Variants in EPHB1 observed in about 807,000 individuals in gnomAD.
The protein encoded by EPHB1 is ephrin type-B receptor 1.
In EPHB1, 30 loss-of-function variants were observed where a neutral mutation model predicts 94.4. The ratio of observed to expected loss-of-function variants is 0.32; its 90% CI spans 0.24 to 0.43. EPHB1 has a LOEUF of 0.43. Ranked by LOEUF, EPHB1 falls within the 20% of genes least tolerant of loss-of-function variation. EPHB1 has a pLI of 1.00. For missense variants in EPHB1, 1,055 were observed against 1,308.3 expected, an observed-to-expected ratio of 0.81 and a Z score of 2.99; for synonymous variants, 522 against 489.1, an observed-to-expected ratio of 1.07 and a Z score of -0.89.
chr3:135,246,024 T>A (rs59754330), intron 13 of EPHB1, among the ~76,000 whole-genome samples: 8,277 of 152,226 alleles, frequency 0.054, 274 homozygotes, highest in African/African-American at 0.059. Context: ...CTGACTCCAG[T>A]GCTCCTTCTT....
chr3:135,152,566 G>A (rs931517012), intron 5 of EPHB1, among the ~76,000 whole-genome samples: 1 of 152,180 alleles, frequency 6.6e-6, no homozygotes, highest in East Asian at 1.9e-4. Flanking sequence ...CATAAGAAAG[G>A]TCTGATCTCT....
At chr3:134,852,039 A>G (rs758293492) in intron 1 of EPHB1, among the ~76,000 whole-genome samples, 39 of 152,162 alleles carry the variant, frequency 2.6e-4, no homozygotes, top group Non-Finnish European at 4.6e-4. Flanking sequence ...CAAGGGTTTA[A>G]GTTCAGATTA....
intron 5 of EPHB1, among the ~76,000 whole-genome samples, chr3:135,151,962 G>T (rs944261083): frequency 5.9e-5 from 9 of 152,086 alleles, no homozygotes; most frequent in Non-Finnish European, 1.5e-5. Flanking sequence ...AAAGGCTATC[G>T]GTCATATTAA....
At chr3:135,128,679 C>T (rs1174528758) in intron 4 of EPHB1, among the ~76,000 whole-genome samples, 1 of 152,142 alleles carries the variant, frequency 6.6e-6, no homozygotes, top group East Asian at 1.9e-4. Flanking sequence ...TCTCTGTTTC[C>T]TTCTATTCTA....
intron 5 of EPHB1, among the ~76,000 whole-genome samples, chr3:135,148,545 G>A (rs906740106): frequency 1.3e-5 from 2 of 151,494 alleles, no homozygotes; most frequent in Non-Finnish European, 2.9e-5. Context: ...GATACTACTG[G>A]CAGTGACCAG....
At position 135,122,906 on chromosome 3, in the gene EPHB1, A is replaced by T. The variant is rs189087845; in HGVS notation, c.962-9808A>T. 4.6e-5 allele frequency among the ~76,000 whole-genome samples: 7 copies of T among 152,324 alleles called. No homozygotes were observed. In the East Asian group the frequency reaches 1.2e-3, roughly 25 times the overall value. On this transcript the variant is annotated intron_variant, in intron 4 of 15. Coordinates refer to ENST00000398015, the MANE Select transcript of EPHB1 (RefSeq NM_004441.5). ...ATGATTAGGAGAATTGCCTGAGTAC[A>T]GGCCCAGTGTTTCCAAGACCCTAAT... is the stretch of plus-strand genomic sequence containing the variant.
intron 3 of EPHB1, among the ~76,000 whole-genome samples, chr3:134,991,672 C>G (rs1199113050): frequency 3.3e-5 from 5 of 152,118 alleles, no homozygotes; most frequent in African/African-American, 1.2e-4. Flanking sequence ...GCTGAGCACC[C>G]CTACTGAGGG....
chr3:135,176,045 T>C (rs992297614), intron 9 of EPHB1, among the ~76,000 whole-genome samples: 2 of 152,112 alleles, frequency 1.3e-5, no homozygotes, highest in Admixed American at 1.3e-4. Flanking sequence ...AAGGCTTTTT[T>C]TTCCCCTCAT....
intron 1 of EPHB1, among the ~76,000 whole-genome samples, chr3:134,850,750 T>C (rs2036963724): frequency 6.6e-6 from 1 of 152,212 alleles, no homozygotes; most frequent in Admixed American, 6.5e-5. Flanking sequence ...ATGCTGGCTG[T>C]GATTCTTCAT....
chr3:135,044,083 A>G (rs561032631), intron 3 of EPHB1, among the ~76,000 whole-genome samples: 2 of 152,296 alleles, frequency 1.3e-5, no homozygotes, highest in South Asian at 4.1e-4. Flanking sequence ...TTAAAACTAA[A>G]TTTGGCTCAC....
chr3:135,051,937 C>T (rs184231369), intron 3 of EPHB1, among the ~76,000 whole-genome samples: 51 of 152,124 alleles, frequency 3.4e-4, no homozygotes, highest in Non-Finnish European at 2.2e-4. Context: ...CTGAGGAAGG[C>T]GAGATATGAC....
At chr3:135,202,253 C>A (rs1942778332) in intron 12 of EPHB1, among the ~76,000 whole-genome samples, 1 of 152,208 alleles carries the variant, frequency 6.6e-6, no homozygotes, top group Non-Finnish European at 1.5e-5. Flanking sequence ...CACACAATTT[C>A]ATTTAGAACT....
intron 2 of EPHB1, among the ~76,000 whole-genome samples, chr3:134,944,484 G>T (rs1444298473): frequency 6.6e-6 from 1 of 152,196 alleles, no homozygotes; most frequent in Non-Finnish European, 1.5e-5. Flanking sequence ...CTCATATAAA[G>T]ATGTATGAGA....
chr3:135,170,409 G>A lies in EPHB1; in HGVS notation c.1759+3403G>A, dbSNP rs115000494. 9.8e-3 allele frequency among the ~76,000 whole-genome samples: 1,470 copies of A among 149,728 alleles called. 17 individuals are homozygous for A. The highest frequency in any genetic ancestry group is 0.035 in the African/African-American group (1,414 of 40,958). ...GAATATAGAGAATTTGGATTTGGGTGGAAAGAGACTAGCTGGAAAGCAGGT... is the reference window on the plus strand; with the variant it reads ...GAATATAGAGAATTTGGATTTGGGTAGAAAGAGACTAGCTGGAAAGCAGGT... On this transcript the variant is annotated intron_variant, in intron 9 of 15. Transcript: ENST00000398015.
At chr3:135,245,371 T>C (rs1943892873) in intron 13 of EPHB1, among the ~76,000 whole-genome samples, 1 of 152,136 alleles carries the variant, frequency 6.6e-6, no homozygotes, top group Admixed American at 6.5e-5. Context: ...TGTAGTACTA[T>C]CACCAACACA....
At position 135,260,117 on chromosome 3, in the gene EPHB1, C is replaced by T. The variant is rs1933579561; in HGVS notation, c.*997C>T. 4.3e-6 allele frequency: 1 copy of T among 232,846 alleles called. No homozygotes were observed. Among genetic ancestry groups the T allele is most frequent in the African/African-American group, 2.2e-5 (1 of 45,280 alleles). 14.4% of individuals were successfully genotyped at this position (232,846 alleles called of 1,614,324 possible). A position where few individuals can be genotyped will look rare whatever the true frequency, so the allele number is the denominator to read the frequency against. On this transcript the variant is annotated 3_prime_UTR_variant, in exon 16 of 16. Coordinates refer to ENST00000398015, the MANE Select transcript of EPHB1 (RefSeq NM_004441.5). ...TTGAATTGGATGCAGTGTGGGCCAT[C>T]CTGGAATGATACTGACTGATTAATT...
chr3:135,106,322 C>T (rs991028060), intron 3 of EPHB1, 126 bp from the exon 4 acceptor site: 3 of 1,035,146 alleles, frequency 2.9e-6, no homozygotes, highest in Non-Finnish European at 4.3e-6. Flanking sequence ...CCTTAGATCT[C>T]CCTTGGTACG....
intron 3 of EPHB1, among the ~76,000 whole-genome samples, chr3:135,050,912 TTG>T (rs61632320): frequency 0.21 from 31,529 of 147,758 alleles, 3,445 homozygotes; most frequent in Middle Eastern, 0.31. Flanking sequence ...TAAACACCCT[TTG>T]TGTGTGTGTG....
At chr3:134,862,266 G>T (rs935487485) in intron 1 of EPHB1, among the ~76,000 whole-genome samples, 1 of 152,152 alleles carries the variant, frequency 6.6e-6, no homozygotes, top group African/African-American at 2.4e-5. Context: ...TGGGGCTGGT[G>T]GGGGATGATG....
Sources: allele counts gnomAD v4.1 joint callset (sites outside exome capture counted in the v4.1 genomes callset), GRCh38; gene constraint gnomAD v4.1.1; transcripts MANE v1.5; gene names NCBI Gene and HGNC (gene_info 2026-07-23, HGNC 2026-07-21).